The following LIMK1 variants were observed in gnomAD, a reference collection of about 807,000 sequenced individuals.
The protein encoded by LIMK1 is LIM domain kinase 1.
LIMK1 carries 21 observed loss-of-function variants against 77.6 expected under a neutral mutation model. The ratio of observed to expected loss-of-function variants is 0.27; its 90% confidence interval spans 0.19 to 0.39. LIMK1 has a LOEUF of 0.39. LIMK1 is among the 10% of genes least tolerant of loss of function. LIMK1 has a pLI of 1.00. For synonymous variants in LIMK1, 358 were observed against 370.0 expected, an observed-to-expected ratio of 0.97 and a Z score of 0.37; for missense variants, 696 against 901.6, an observed-to-expected ratio of 0.77 and a Z score of 2.92.
intron 13 of LIMK1, among the ~76,000 whole-genome samples, chr7:74,118,644 G>A (rs1259248181): frequency 1.3e-5 from 2 of 151,590 alleles, no homozygotes; most frequent in Non-Finnish European, 2.9e-5. Context: ...CAGCTACTCA[G>A]GAGGCTGAGG....
chr7:74,116,962 A>G (rs1799827437), intron 13 of LIMK1, among the ~76,000 whole-genome samples: 1 of 151,868 alleles, frequency 6.6e-6, no homozygotes, highest in South Asian at 2.1e-4. Flanking sequence ...GCTCACTGCA[A>G]GCTCCGCCTC....
intron 2 of LIMK1, 85 bp from the exon 3 acceptor site, chr7:74,096,537 C>G: frequency 6.4e-7 from 1 of 1,551,738 alleles, no homozygotes; most frequent in South Asian, 1.1e-5. Flanking sequence ...CTAATTCTTA[C>G]AAAGGTGCCT....
chr7:74,105,072 G>A (rs1449758472), intron 5 of LIMK1, among the ~76,000 whole-genome samples: 1 of 152,162 alleles, frequency 6.6e-6, no homozygotes, highest in African/African-American at 2.4e-5. Flanking sequence ...TCCTGCCTCA[G>A]CCTCCCAAGT....
chr7:74,111,996 G>A lies in LIMK1; in HGVS notation c.1408G>A (p.Glu470Lys). 1.9e-6 allele frequency: 3 copies of A among 1,606,938 alleles called. No homozygotes were observed. Among genetic ancestry groups the A allele is most frequent in the East Asian group, 4.5e-5 (2 of 44,782 alleles). ...DLNSHNCLVRENKNVVVADFG... is the reference protein window; with the variant it reads ...DLNSHNCLVRKNKNVVVADFG... ...CAACTCCCACAACTGCCTGGTCCGC[G>A]AGGTGAGTACCAGGGCCCCACGTGG... Residue 470 changes from glutamate to lysine, a missense_variant and splice_region_variant, in exon 12 of 16, where the codon GAG becomes AAG. Physicochemically the swap from Glu to Lys is moderately conservative, Grantham distance 56. Coordinates refer to ENST00000336180, the MANE Select transcript of LIMK1 (RefSeq NM_002314.4).
intron 13 of LIMK1, among the ~76,000 whole-genome samples, chr7:74,118,059 C>T (rs1339027085): frequency 6.7e-6 from 1 of 148,404 alleles, no homozygotes; most frequent in Non-Finnish European, 1.5e-5. Flanking sequence ...CACCACTGCA[C>T]TCCAGCCTGG....
chr7:74,111,865 TG>T, intron 11 of LIMK1, 67 bp from the exon 12 acceptor site: 2 of 1,501,828 alleles, frequency 1.3e-6, no homozygotes, highest in Non-Finnish European at 9.3e-7. Context: ...AGGGAGTTCC[TG>T]GGGAGCCAGG....
chr7:74,084,087 T>G (rs575532997), intron 1 of LIMK1, 42 bp downstream of exon 1: 15 of 1,122,672 alleles, frequency 1.3e-5, no homozygotes, highest in Non-Finnish European at 1.8e-5. Context: ...CTGGAGGGGG[T>G]GCCCGGGGCA....
chr7:74,105,498 G>C (rs1799548269), intron 5 of LIMK1, among the ~76,000 whole-genome samples: 1 of 147,372 alleles, frequency 6.8e-6, no homozygotes, highest in African/African-American at 2.5e-5. Flanking sequence ...GGGTAACAGA[G>C]TGAGATTCTG....
chr7:74,087,417 G>T (rs1181022921), intron 2 of LIMK1, among the ~76,000 whole-genome samples: 1 of 151,934 alleles, frequency 6.6e-6, no homozygotes, highest in Non-Finnish European at 1.5e-5. Flanking sequence ...TTTTAAAAAA[G>T]AAAGAAAGAA....
intron 5 of LIMK1, among the ~76,000 whole-genome samples, chr7:74,101,888 A>C (rs2115684477): frequency 6.6e-6 from 1 of 152,126 alleles, no homozygotes; most frequent in East Asian, 1.9e-4. Context: ...GCAGTGGCAC[A>C]ATCATAGCTC....
intron 4 of LIMK1, 91 bp from the exon 5 acceptor site, chr7:74,098,941 G>T: frequency 1.2e-5 from 12 of 992,278 alleles, no homozygotes; most frequent in Non-Finnish European, 1.8e-5. Flanking sequence ...GGAAGGGATT[G>T]GGGGAAGAGC....
At chr7:74,093,120 G>C in intron 2 of LIMK1, 4 of 1,430,082 alleles carry the variant, frequency 2.8e-6, no homozygotes, top group Non-Finnish European at 3.7e-6. Context: ...CCTCCTGTGC[G>C]CTGCAGCCAC....
intron 5 of LIMK1, among the ~76,000 whole-genome samples, chr7:74,103,306 G>A (rs1554696869): frequency 6.7e-6 from 1 of 148,286 alleles, no homozygotes; most frequent in African/African-American, 2.5e-5. Flanking sequence ...GCCCAGGCTG[G>A]TCTCAGACTC....
At chr7:74,090,082 C>G (rs1450721027) in intron 2 of LIMK1, among the ~76,000 whole-genome samples, 2 of 152,004 alleles carry the variant, frequency 1.3e-5, no homozygotes, top group African/African-American at 4.8e-5. Flanking sequence ...TGTAGTGAAA[C>G]TCAAGAAGGA....
intron 12 of LIMK1, among the ~76,000 whole-genome samples, chr7:74,113,703 G>A (rs1799748507): frequency 6.6e-6 from 1 of 151,632 alleles, no homozygotes; most frequent in Non-Finnish European, 1.5e-5. Flanking sequence ...CCACTCTTGT[G>A]ATAACTAACC....
chr7:74,109,248 A>G, intron 10 of LIMK1: 1 of 510,484 alleles, frequency 2.0e-6, no homozygotes, highest in Non-Finnish European at 3.6e-6. Flanking sequence ...TTATTCTGGC[A>G]CTTTGGGAGC....
At chr7:74,096,442 A>G (rs1394321735) in intron 2 of LIMK1, among the ~76,000 whole-genome samples, 180 bp from the exon 3 acceptor site, 1 of 152,066 alleles carries the variant, frequency 6.6e-6, no homozygotes, top group Non-Finnish European at 1.5e-5. Context: ...CAGAGGTTGC[A>G]GTGAGCCGAG....
chr7:74,093,260 C>T lies in LIMK1; in HGVS notation c.153-3362C>T. ...GTGTAGCCACAGAGGATGCTGTTGGCTTCAGCCCCAAGAAGACGCCGCTTC... is the reference window on the plus strand; with the variant it reads ...GTGTAGCCACAGAGGATGCTGTTGGTTTCAGCCCCAAGAAGACGCCGCTTC... On this transcript the variant is annotated intron_variant, in intron 2 of 15. Transcript: ENST00000336180. 4 of 1,536,034 alleles carry T rather than the reference C, an allele frequency of 2.6e-6. No individual in the cohort carries two copies. The Middle Eastern group carries it at 5.0e-4, about 192-fold the overall frequency.
At chr7:74,090,623 T>C (rs1159804929) in intron 2 of LIMK1, among the ~76,000 whole-genome samples, 1 of 152,200 alleles carries the variant, frequency 6.6e-6, no homozygotes, top group African/African-American at 2.4e-5. Flanking sequence ...GCCCTGGGCT[T>C]GAGGCATTGG....
Sources: allele counts gnomAD v4.1 joint callset (sites outside exome capture counted in the v4.1 genomes callset), GRCh38; gene constraint gnomAD v4.1.1; transcripts MANE v1.5; gene names NCBI Gene and HGNC (gene_info 2026-07-23, HGNC 2026-07-21).